CIITA: variants seen among roughly 807,000 people sequenced by gnomAD.
CIITA encodes the protein MHC class II transactivator.
CIITA carries 72 observed loss-of-function variants against 115.1 expected under a neutral mutation model. That is an observed-to-expected ratio of 0.63 (90% confidence interval 0.52 to 0.76). The LOEUF (loss-of-function observed/expected upper bound fraction) is 0.76. Among genes scored for constraint, CIITA ranks in the 30% least tolerant of loss-of-function variants. The pLI, the probability that CIITA is intolerant of heterozygous loss-of-function variation, is 0.00. For missense variants in CIITA, 1,617 were observed against 1,463.8 expected, an observed-to-expected ratio of 1.10 and a Z score of -1.71; for synonymous variants, 763 against 635.6, an observed-to-expected ratio of 1.20 and a Z score of -3.02.
chr16:10,929,596 A>T lies in CIITA; in HGVS notation c.*5741A>T. 1.0e-6 allele frequency: 1 copy of T among 984,184 alleles called. No homozygotes were observed. The highest frequency in any genetic ancestry group is 1.2e-6 in the Non-Finnish European group (1 of 828,848). The allele number at this position is 984,184 out of a possible 1,614,324, so 61.0% of individuals were successfully genotyped here. A position where few individuals can be genotyped will look rare whatever the true frequency, so the allele number is the denominator to read the frequency against. ...GAAAAAGGGGGGTTATTAGCACGGA[A>T]GCCCCACCCTGCCACCAGGTTGGCT... On this transcript the variant is annotated 3_prime_UTR_variant, in exon 20 of 20. Coordinates refer to ENST00000324288, the MANE Select transcript of CIITA (RefSeq NM_000246.4). This position sits in a 1 kb window ranked among gnomAD's most constrained non-coding sequence, Gnocchi z 4.3.
At chr16:10,902,273 G>T in intron 7 of CIITA, 89 bp downstream of exon 7, 1 of 1,544,820 alleles carries the variant, frequency 6.5e-7, no homozygotes, top group Non-Finnish European at 8.8e-7. Context: ...GTCAGGAACT[G>T]GACCTCACCT....
chr16:10,898,928 A>G lies in CIITA; in HGVS notation c.362A>G (p.His121Arg). The G allele has an allele frequency of 6.2e-7, 1 of 1,613,954 alleles. No homozygotes were observed. Among genetic ancestry groups the G allele is most frequent in the Non-Finnish European group, 8.5e-7 (1 of 1,179,970 alleles). ...LEGLSKDIFK[H>R]IGPDEVIGES... ...TCTCTGGTTTTTCTCAAAGTAGAGC[A>G]CATAGGACCAGATGAAGTGATCGGT... Residue 121 changes from histidine to arginine, a missense_variant, in exon 5 of 20, where the codon CAC becomes CGC. By Grantham distance (29) the His-to-Arg change is conservative. Transcript: ENST00000324288.
At chr16:10,885,758 T>C (rs2036884062) in intron 1 of CIITA, among the ~76,000 whole-genome samples, 1 of 151,800 alleles carries the variant, frequency 6.6e-6, no homozygotes, top group African/African-American at 2.4e-5. Flanking sequence ...AGAGCAGAGG[T>C]TTGTTTCTTT....
chr16:10,929,263 G>A lies in CIITA; in HGVS notation c.*5408G>A. 1 of 985,956 alleles carries A rather than the reference G, an allele frequency of 1.0e-6. No homozygotes were observed. The highest frequency in any genetic ancestry group is 1.2e-6 in the Non-Finnish European group (1 of 829,980). The allele number at this position is 985,956 out of a possible 1,614,324, so 61.1% of individuals were successfully genotyped here. ...CTTTTGCGTGTGTCCGCAGTTTGAA[G>A]TGTCCTCTCCGAAGGTGAAGTGGGG... On this transcript the variant is annotated 3_prime_UTR_variant, in exon 20 of 20. Coordinates refer to ENST00000324288, the MANE Select transcript of CIITA (RefSeq NM_000246.4). The surrounding 1 kb of genome is among the most constrained non-coding windows in gnomAD (Gnocchi z 4.3).
At position 10,924,766 on chromosome 16, in the gene CIITA, G is replaced by A. The variant is rs45466393; in HGVS notation, c.*911G>A. ...AGCCCTTAGCAGGGAAACAGCTAAT[G>A]GGACACTAATGGGGCGGTGAGAGGG... is the stretch of plus-strand genomic sequence containing the variant. On this transcript the variant is annotated 3_prime_UTR_variant, in exon 20 of 20. Coordinates refer to ENST00000324288, the MANE Select transcript of CIITA (RefSeq NM_000246.4). The A allele has an allele frequency of 0.034, 5,168 of 152,370 alleles. 108 individuals carry two copies. The highest frequency in any genetic ancestry group is 0.04 in the Non-Finnish European group (2,753 of 68,054). The allele number at this position is 152,370 out of a possible 1,614,324, so 9.4% of individuals were successfully genotyped here.
intron 11 of CIITA, chr16:10,908,581 C>G: frequency 2.4e-6 from 1 of 415,392 alleles, no homozygotes. Context: ...CTTCTCAGAA[C>G]TTGAATCTGA....
At position 10,920,428 on chromosome 16, in the gene CIITA, G is replaced by A. The variant is rs939322102; in HGVS notation, c.3150-1739G>A. ...ACACCAGGCTATTTTTGTGTTTTCA[G>A]TAGAGACAGGGCTTCGCCATGTGGC... On this transcript the variant is annotated intron_variant, in intron 16 of 19. Transcript: ENST00000324288. The surrounding 1 kb of genome is among the most constrained non-coding windows in gnomAD (Gnocchi z 4.5). 1.3e-5 allele frequency among the ~76,000 whole-genome samples: 2 copies of A among 152,170 alleles called. No individual in the cohort carries two copies. The highest frequency in any genetic ancestry group is 2.4e-5 in the African/African-American group (1 of 41,434).
At chr16:10,881,033 G>C (rs2036371026) in intron 1 of CIITA, among the ~76,000 whole-genome samples, 1 of 152,174 alleles carries the variant, frequency 6.6e-6, no homozygotes, top group African/African-American at 2.4e-5. Context: ...TAGCACTTTG[G>C]GAGGCCGAGG....
chr16:10,898,522 CATTT>C (rs1371558984), intron 3 of CIITA, 144 bp from the exon 4 acceptor site: 5 of 545,966 alleles, frequency 9.2e-6, no homozygotes, highest in African/African-American at 3.9e-5. Context: ...AGTGTTCATT[CATTT>C]GTTTGATCAT....
intron 1 of CIITA, among the ~76,000 whole-genome samples, chr16:10,889,216 T>C (rs2037282750): frequency 6.6e-6 from 1 of 152,148 alleles, no homozygotes. Context: ...GCTCTGGCAA[T>C]GTGGTTTGGA....
chr16:10,869,507 T>C (rs2035327097), intron 1 of CIITA, among the ~76,000 whole-genome samples: 1 of 137,010 alleles, frequency 7.3e-6, no homozygotes, highest in South Asian at 2.4e-4. Flanking sequence ...CCTCCCCAGA[T>C]TGATTTTTTC....
Position 10,907,107 on chromosome 16 carries a change from C to G in CIITA, c.1615C>G (p.Arg539Gly), listed in dbSNP as rs751733167. ...CGGCCTTTTCCAGAAGAAGCTGCTC[C>G]GAGGTTGCACCCTCCTCCTCACAGC... Reference protein sequence around the residue: ...LAGLFQKKLLRGCTLLLTARP... With the variant: ...LAGLFQKKLLGGCTLLLTARP... The change falls in exon 11 of 20, where the codon CGA (arginine) becomes GGA (glycine). Residue 539 changes from arginine (R) to glycine (G), a missense_variant. Transcript: ENST00000324288. This position sits in a 1 kb window ranked among gnomAD's most constrained non-coding sequence, Gnocchi z 5.0. The G allele has an allele frequency of 4.3e-6, 7 of 1,610,346 alleles. No individual in the cohort carries two copies. The highest frequency in any genetic ancestry group is 2.7e-5 in the African/African-American group (2 of 74,908).
chr16:10,894,820 C>T (rs2037956482), intron 1 of CIITA, among the ~76,000 whole-genome samples: 1 of 152,198 alleles, frequency 6.6e-6, no homozygotes, highest in South Asian at 2.1e-4. Flanking sequence ...CATGGGTTTC[C>T]TTACATAAAT....
chr16:10,908,327 G>A (rs780560111), intron 11 of CIITA, 178 bp downstream of exon 11: 2 of 782,536 alleles, frequency 2.6e-6, no homozygotes, highest in South Asian at 1.5e-5. Flanking sequence ...GCAGCCACTT[G>A]CCACACAGCA....
In CIITA at chr16:10,928,047, T is replaced by C. The variant is rs1275715277; in HGVS notation, c.*4192T>C. 1 of 152,220 alleles carries C rather than the reference T, an allele frequency of 6.6e-6. No individual in the cohort carries two copies. Among genetic ancestry groups the C allele is most frequent in the Non-Finnish European group, 1.5e-5 (1 of 68,046 alleles). The allele number at this position is 152,220 out of a possible 1,614,324, so 9.4% of individuals were successfully genotyped here. A position where few individuals can be genotyped will look rare whatever the true frequency, so the allele number is the denominator to read the frequency against. ...CACCTTTTTCCCTGGGGCTCTCAAA[T>C]GTCTTCTTTTCAGATTTCGTAGCTT... On this transcript the variant is annotated 3_prime_UTR_variant, in exon 20 of 20. Transcript: ENST00000324288.
rs374491752 is a variant in CIITA at position 10,922,339 on chromosome 16, G to C, written c.3234-68G>C. 3.7e-6 allele frequency: 6 copies of C among 1,607,872 alleles called. No homozygotes were observed. In the East Asian group the frequency reaches 1.3e-4, roughly 36 times the overall value. On this transcript the variant is annotated intron_variant, in intron 17 of 19. Transcript: ENST00000324288. ...CTGGTGTCCTGGAAGAGCTGGATGTGGGGGTGGCCTTGGTCTGGAGCTGGG... is the reference window on the plus strand; with the variant it reads ...CTGGTGTCCTGGAAGAGCTGGATGTCGGGGTGGCCTTGGTCTGGAGCTGGG...
intron 1 of CIITA, among the ~76,000 whole-genome samples, chr16:10,882,294 G>A (rs1488140465): frequency 2.0e-5 from 3 of 152,190 alleles, no homozygotes; most frequent in East Asian, 1.9e-4. Flanking sequence ...GATGGAAGAC[G>A]AATGCCTGCA....
At chr16:10,908,382 C>G in intron 11 of CIITA, 1 of 666,226 alleles carries the variant, frequency 1.5e-6, no homozygotes, top group Non-Finnish European at 2.7e-6. Flanking sequence ...TGAAGGCCCG[C>G]CATGTGCCAG....
In CIITA at chr16:10,895,376, C is replaced by T. The variant is rs886051636; in HGVS notation, c.147C>T (p.His49=). 6.2e-7 allele frequency: 1 copy of T among 1,614,130 alleles called. No homozygotes were observed. The highest frequency in any genetic ancestry group is 1.1e-5 in the South Asian group (1 of 91,088). ...ATGCTGACCCCCTGTGCCTCTACCA[C>T]TTCTATGACCAGATGGACCTGGCTG... ...NSDADPLCLY[H]FYDQMDLAGE... The change falls in exon 2 of 20, where the codon CAC becomes CAT. Residue 49 remains histidine (H), a synonymous_variant. Coordinates refer to ENST00000324288, the MANE Select transcript of CIITA (RefSeq NM_000246.4).
Sources: allele counts gnomAD v4.1 joint callset (sites outside exome capture counted in the v4.1 genomes callset), GRCh38; gene constraint gnomAD v4.1.1; non-coding constraint Gnocchi (gnomAD v3.1); transcripts MANE v1.5; gene names NCBI Gene and HGNC (gene_info 2026-07-23, HGNC 2026-07-21).